The following PCDH11X variants were observed in gnomAD, a reference collection of about 807,000 sequenced individuals.
PCDH11X encodes protocadherin-11 X-linked.
Under a neutral mutation model 53.3 loss-of-function variants are expected in PCDH11X, and 18 were observed. The observed-to-expected ratio is 0.34, with a 90% CI of 0.23 to 0.50. PCDH11X has a LOEUF of 0.50. Ranked by LOEUF, PCDH11X falls within the 20% of genes least tolerant of loss-of-function variation. PCDH11X has a pLI of 0.98. For missense variants in PCDH11X, 570 were observed against 1,032.4 expected, an observed-to-expected ratio of 0.55 and a Z score of 6.14; for synonymous variants, 279 against 393.3, an observed-to-expected ratio of 0.71 and a Z score of 3.44.
At chrX:92,304,412 T>C (rs1402925566) in intron 8 of PCDH11X, among the ~76,000 whole-genome samples, 1 of 111,835 alleles carries the variant, frequency 8.9e-6, no homozygotes, top group Non-Finnish European at 1.9e-5. Flanking sequence ...ATATCAGTTT[T>C]ATTTTTAACT....
At chrX:92,135,808 A>G (rs2065073507) in intron 6 of PCDH11X, among the ~76,000 whole-genome samples, 1 of 108,569 alleles carries the variant, frequency 9.2e-6, no homozygotes, top group Non-Finnish European at 1.9e-5. Context: ...CATGAAGTCA[A>G]TTGGAGGATC....
chrX:91,996,552 G>A (rs1488299570), intron 6 of PCDH11X, among the ~76,000 whole-genome samples: 16 of 36,160 alleles, frequency 4.4e-4, no homozygotes, highest in African/African-American at 2.1e-3. Flanking sequence ...AAACAACACA[G>A]GTTTGAACCA....
rs762135883 is a variant in PCDH11X, at chrX:92,488,322, T to C, written c.3367+20000T>C. On this transcript the variant is annotated intron_variant, in intron 10 of 10. Transcript: ENST00000682573. The stretch of plus-strand genomic sequence containing the variant: ...GCTCACTAGAATGTAAGCTCTATGA[T>C]GGCAGCAGTCTTGTCTGAGTTGTTC... Among the ~76,000 whole-genome samples the C allele has an allele frequency of 5.4e-5, 6 of 111,484 alleles. No individual in the cohort carries two copies. The South Asian group carries it at 1.1e-3, about 21-fold the overall frequency.
intron 10 of PCDH11X, among the ~76,000 whole-genome samples, chrX:92,470,087 G>T (rs936779277): frequency 9.1e-6 from 1 of 110,018 alleles, no homozygotes; most frequent in African/African-American, 3.3e-5. Flanking sequence ...AAGTTTTATA[G>T]TGTTCATTGT....
intron 6 of PCDH11X, among the ~76,000 whole-genome samples, chrX:92,056,230 C>G (rs1288219629): frequency 9.0e-6 from 1 of 111,523 alleles, no homozygotes; most frequent in Non-Finnish European, 1.9e-5. Flanking sequence ...AATAGGCACT[C>G]TGGTGTGAGA....
intron 6 of PCDH11X, among the ~76,000 whole-genome samples, chrX:92,068,917 A>G (rs1009653142): frequency 9.0e-5 from 10 of 111,295 alleles, no homozygotes; most frequent in African/African-American, 3.3e-4. Context: ...GTCATTGAGA[A>G]TGATCCATGT....
intron 8 of PCDH11X, among the ~76,000 whole-genome samples, chrX:92,321,794 G>A (rs1021658266): frequency 1.8e-5 from 2 of 110,921 alleles, no homozygotes; most frequent in Non-Finnish European, 3.8e-5. Context: ...TCATGCCTGA[G>A]GACTGTTTTT....
intron 6 of PCDH11X, among the ~76,000 whole-genome samples, chrX:92,086,343 CATT>C (rs998990792): frequency 1.8e-5 from 2 of 111,029 alleles, no homozygotes; most frequent in Non-Finnish European, 3.8e-5. Context: ...AAATTACAAA[CATT>C]ATGAATGACC....
At chrX:91,887,447 C>T (rs1312602170) in intron 6 of PCDH11X, among the ~76,000 whole-genome samples, 1 of 110,784 alleles carries the variant, frequency 9.0e-6, no homozygotes, top group Admixed American at 9.7e-5. Flanking sequence ...ATACATCGTG[C>T]GTGTTCATAC....
chrX:92,576,726 T>C (rs773566629), intron 10 of PCDH11X, among the ~76,000 whole-genome samples: 44 of 109,141 alleles, frequency 4.0e-4, no homozygotes, highest in Admixed American at 1.7e-3. Context: ...TGTTTGCCTG[T>C]TTTTTTACTT....
chrX:91,913,075 C>G (rs748550051), intron 6 of PCDH11X, among the ~76,000 whole-genome samples: 97 of 111,443 alleles, frequency 8.7e-4, no homozygotes, highest in African/African-American at 3.1e-3. Context: ...CCTAGAAAGG[C>G]CATCCCTGAC....
intron 9 of PCDH11X, among the ~76,000 whole-genome samples, chrX:92,418,356 T>G (rs2148611773): frequency 9.0e-6 from 1 of 111,390 alleles, no homozygotes; most frequent in Non-Finnish European, 1.9e-5. Flanking sequence ...TATCATGCAG[T>G]CTTTTTCCTG....
chrX:92,388,389 A>G (rs2071057059), intron 9 of PCDH11X, among the ~76,000 whole-genome samples: 1 of 107,665 alleles, frequency 9.3e-6, no homozygotes, highest in Non-Finnish European at 1.9e-5. Flanking sequence ...AGGAGAGGGC[A>G]TCTGAGGTTT....
intron 8 of PCDH11X, among the ~76,000 whole-genome samples, chrX:92,324,966 T>C (rs2069296345): frequency 9.0e-6 from 1 of 110,777 alleles, no homozygotes; most frequent in South Asian, 3.9e-4. Context: ...TTTAGGATAA[T>C]GGTCTCTAGC....
At chrX:92,609,943 C>T (rs1474035168) in intron 10 of PCDH11X, among the ~76,000 whole-genome samples, 5 of 111,733 alleles carry the variant, frequency 4.5e-5, no homozygotes, top group Non-Finnish European at 7.6e-5. Context: ...CTTTTAAAGA[C>T]TGCGTATATC....
chrX:91,782,967 G>A (rs775813313), intron 1 of PCDH11X, among the ~76,000 whole-genome samples: 2 of 111,660 alleles, frequency 1.8e-5, no homozygotes, highest in African/African-American at 6.5e-5. Context: ...CAGAGGCAGG[G>A]CGTGTAGAGG....
At chrX:92,173,589 A>T (rs1421440559) in intron 6 of PCDH11X, among the ~76,000 whole-genome samples, 1 of 110,831 alleles carries the variant, frequency 9.0e-6, no homozygotes, top group Non-Finnish European at 1.9e-5. Context: ...AAAAATATAG[A>T]GACCCTACTT....
intron 6 of PCDH11X, among the ~76,000 whole-genome samples, chrX:92,008,906 C>G (rs781562789): frequency 8.9e-6 from 1 of 111,783 alleles, no homozygotes; most frequent in South Asian, 3.7e-4. Context: ...ATCAGGTGAA[C>G]TTGAGCAAAA....
chrX:92,359,462 A>T (rs1441195646), intron 8 of PCDH11X, among the ~76,000 whole-genome samples: 5 of 108,383 alleles, frequency 4.6e-5, no homozygotes, highest in Non-Finnish European at 9.6e-5. Context: ...CTTACACAGT[A>T]TGATAAAAGC....
Sources: allele counts gnomAD v4.1 joint callset (sites outside exome capture counted in the v4.1 genomes callset), GRCh38; gene constraint gnomAD v4.1.1; transcripts MANE v1.5; gene names NCBI Gene and HGNC (gene_info 2026-07-23, HGNC 2026-07-21).